MAGI1: variants seen among roughly 807,000 people sequenced by gnomAD.
The protein encoded by MAGI1 is membrane associated guanylate kinase, WW and PDZ domain containing 1.
Under a neutral mutation model 139.9 loss-of-function variants are expected in MAGI1, and 58 were observed. The ratio of observed to expected loss-of-function variants is 0.41; its 90% CI spans 0.34 to 0.52. The LOEUF is 0.52. MAGI1 is among the 20% of genes least tolerant of loss of function. The pLI, the probability that MAGI1 is intolerant of heterozygous loss-of-function variation, is 0.12. For synonymous variants in MAGI1, 812 were observed against 737.9 expected (o/e 1.10, Z -1.63); for missense variants, 1,874 against 1,901.6 (o/e 0.99, Z 0.27).
At chr3:65,766,619 G>T (rs2037497575) in intron 1 of MAGI1, among the ~76,000 whole-genome samples, 1 of 152,132 alleles carries the variant, frequency 6.6e-6, no homozygotes, top group Admixed American at 6.5e-5. Flanking sequence ...GCTGGGTGCG[G>T]TGGCTCACGC....
intron 1 of MAGI1, among the ~76,000 whole-genome samples, chr3:65,731,945 T>C (rs76233900): frequency 0.08 from 12,180 of 152,194 alleles, 622 homozygotes; most frequent in Non-Finnish European, 0.11. Context: ...ATTGTCAGAG[T>C]TGATTACTTG....
chr3:65,850,496 T>A (rs1559941648), intron 1 of MAGI1, among the ~76,000 whole-genome samples: 1 of 152,170 alleles, frequency 6.6e-6, no homozygotes, highest in Non-Finnish European at 1.5e-5. Context: ...CTTCCTGGAA[T>A]GTAAAGATAC....
chr3:65,742,750 C>T (rs2035382360), intron 1 of MAGI1, among the ~76,000 whole-genome samples: 1 of 152,164 alleles, frequency 6.6e-6, no homozygotes, highest in Non-Finnish European at 1.5e-5. Context: ...ATCTGATTTC[C>T]ACAGGATTCT....
intron 2 of MAGI1, among the ~76,000 whole-genome samples, chr3:65,578,086 T>C (rs1049975076): frequency 1.3e-5 from 2 of 152,162 alleles, no homozygotes; most frequent in African/African-American, 4.8e-5. Context: ...TCTGCCTCCA[T>C]CCTCAGGAGC....
chr3:65,649,541 G>A (rs1320411225), intron 1 of MAGI1, among the ~76,000 whole-genome samples: 3 of 152,142 alleles, frequency 2.0e-5, no homozygotes, highest in African/African-American at 7.2e-5. Flanking sequence ...AATAGGCTCT[G>A]TTAAGAGGAT....
At chr3:65,758,384 C>T (rs2036725170) in intron 1 of MAGI1, among the ~76,000 whole-genome samples, 4 of 152,210 alleles carry the variant, frequency 2.6e-5, no homozygotes, top group Admixed American at 2.6e-4. Flanking sequence ...GACATCCAGT[C>T]TGACTGCTCT....
At chr3:65,507,397 C>G (rs1334422959) in intron 2 of MAGI1, among the ~76,000 whole-genome samples, 1 of 152,162 alleles carries the variant, frequency 6.6e-6, no homozygotes, top group African/African-American at 2.4e-5. Context: ...GAAACATGAG[C>G]ATTTAAATAT....
intron 2 of MAGI1, among the ~76,000 whole-genome samples, chr3:65,544,343 A>G (rs953654837): frequency 2.0e-5 from 3 of 152,236 alleles, no homozygotes; most frequent in Middle Eastern, 3.4e-3. Context: ...CGTATCACTC[A>G]ATGCAGCAGG....
At chr3:65,663,779 G>A (rs150239650) in intron 1 of MAGI1, among the ~76,000 whole-genome samples, 12 of 152,210 alleles carry the variant, frequency 7.9e-5, no homozygotes, top group African/African-American at 2.9e-4. Flanking sequence ...ATGTTCAGCA[G>A]TATCTTTGAC....
At chr3:65,945,600 C>T (rs1467534516) in intron 1 of MAGI1, among the ~76,000 whole-genome samples, 4 of 152,218 alleles carry the variant, frequency 2.6e-5, no homozygotes, top group Non-Finnish European at 5.9e-5. Context: ...AGCCATGCTT[C>T]AACCAGTCAT....
At chr3:65,887,660 T>C (rs1330172965) in intron 1 of MAGI1, among the ~76,000 whole-genome samples, 1 of 152,138 alleles carries the variant, frequency 6.6e-6, no homozygotes, top group Non-Finnish European at 1.5e-5. Flanking sequence ...CTATGTCTGG[T>C]TAGGACGTTA....
At chr3:65,400,309 A>G (rs1944754251) in intron 13 of MAGI1, among the ~76,000 whole-genome samples, 1 of 152,166 alleles carries the variant, frequency 6.6e-6, no homozygotes, top group Admixed American at 6.5e-5. Flanking sequence ...TTCTCTTTGG[A>G]GAACTTAGGA....
chr3:65,453,326 G>C lies in MAGI1; in HGVS notation c.974C>G (p.Thr325Arg). The part of the protein sequence containing the change: ...EVYFIDHNTK[T>R]TSWLDPRCLN... ...GCACCGAGGGTCTAACCAAGATGTT[G>C]TTTTCGTGTTATGGCTGCAATCCAG... Residue 325 changes from threonine (T) to arginine (R), a missense_variant, in exon 6 of 23, where the codon ACA becomes AGA. Coordinates refer to ENST00000402939, the MANE Select transcript of MAGI1 (RefSeq NM_001033057.2). The C allele has an allele frequency of 1.3e-6, 2 of 1,566,786 alleles. No homozygotes were observed. The highest frequency in any genetic ancestry group is 1.7e-6 in the Non-Finnish European group (2 of 1,152,080).
At chr3:65,371,207 G>A (rs749639334) in intron 18 of MAGI1, among the ~76,000 whole-genome samples, 2 of 152,124 alleles carry the variant, frequency 1.3e-5, no homozygotes, top group African/African-American at 2.4e-5. Flanking sequence ...GTTGATAAAC[G>A]TGTCTAAATC....
At chr3:65,863,855 C>T (rs35315287) in intron 1 of MAGI1, among the ~76,000 whole-genome samples, 2,816 of 152,188 alleles carry the variant, frequency 0.019, 42 homozygotes, top group Non-Finnish European at 0.029. Flanking sequence ...ATTCTACCTC[C>T]ACATGCTAGT....
intron 1 of MAGI1, among the ~76,000 whole-genome samples, chr3:65,891,212 A>G (rs1238141923): frequency 1.5e-5 from 2 of 137,426 alleles, no homozygotes; most frequent in African/African-American, 3.5e-5. Context: ...AGAAAAACAC[A>G]CACAAAAAAA....
intron 2 of MAGI1, among the ~76,000 whole-genome samples, chr3:65,569,331 G>A (rs1191740038): frequency 6.6e-6 from 1 of 152,204 alleles, no homozygotes; most frequent in Non-Finnish European, 1.5e-5. Flanking sequence ...AGTGTAGGAT[G>A]ATGAAAAAGT....
At chr3:65,697,075 A>G (rs1446109442) in intron 1 of MAGI1, among the ~76,000 whole-genome samples, 1 of 152,224 alleles carries the variant, frequency 6.6e-6, no homozygotes, top group Non-Finnish European at 1.5e-5. Context: ...ACAAACTACC[A>G]TCAGAGAATA....
At chr3:65,719,888 G>A (rs1251972003) in intron 1 of MAGI1, 1 of 152,136 alleles carries the variant, frequency 6.6e-6, no homozygotes, top group Non-Finnish European at 1.5e-5. Context: ...TGACAGCAGT[G>A]TCAAACTTAA....
Sources: gnomAD v4.1 joint callset for allele counts (sites outside exome capture counted in the v4.1 genomes callset) on GRCh38, gnomAD v4.1.1 for gene constraint, MANE v1.5 for transcripts, NCBI Gene and HGNC (gene_info 2026-07-23, HGNC 2026-07-21) for gene names.